DNAH1: variants seen among roughly 807,000 people sequenced by gnomAD.
DNAH1 encodes dynein axonemal heavy chain 1.
Under a neutral mutation model 484.3 loss-of-function variants are expected in DNAH1, and 327 were observed. The ratio of observed to expected loss-of-function variants is 0.68; its 90% confidence interval spans 0.62 to 0.74. The LOEUF is 0.74. Ranked by LOEUF, DNAH1 falls within the 30% of genes least tolerant of loss-of-function variation. The probability of loss-of-function intolerance (pLI) is 0.00; values close to 1 mark genes in which losing one functional copy is unlikely to be tolerated. For synonymous variants in DNAH1, 2,192 were observed against 2,191.9 expected, an observed-to-expected ratio of 1.00 and a Z score of 0.00; for missense variants, 5,052 against 5,546.8, an observed-to-expected ratio of 0.91 and a Z score of 2.83.
Position 52,393,340 on chromosome 3 carries a change from T to C in DNAH1, c.10481T>C (p.Leu3494Pro). 6.2e-7 allele frequency: 1 copy of C among 1,613,874 alleles called. No individual in the cohort carries two copies. The highest frequency in any genetic ancestry group is 8.5e-7 in the Non-Finnish European group (1 of 1,179,836). ...GIANSERADN[L>P]KKRISNINRY... ...TCACTTCTCCACTCCACAGACAACC[T>C]GAAGAAGCGCATCTCCAACATCAAC... The change falls in exon 66 of 78, where the codon CTG becomes CCG. Residue 3494 changes from leucine (L) to proline (P), a missense_variant. By Grantham distance (98) the Leu-to-Pro change is moderately conservative. Coordinates refer to ENST00000420323, the MANE Select transcript of DNAH1 (RefSeq NM_015512.5).
chr3:52,388,306 T>A lies in DNAH1; in HGVS notation c.9143T>A (p.Phe3048Tyr), dbSNP rs963120443. 12 of 1,602,782 alleles carry A rather than the reference T, an allele frequency of 7.5e-6. No individual in the cohort carries two copies. Among genetic ancestry groups the A allele is most frequent in the Non-Finnish European group, 1.0e-5 (12 of 1,174,802 alleles). The change falls in exon 57 of 78, where the codon TTT becomes TAT. Residue 3048 changes from phenylalanine to tyrosine, a missense_variant. By Grantham distance (22) the Phe-to-Tyr change is conservative (BLOSUM62 3). Coordinates refer to ENST00000420323, the MANE Select transcript of DNAH1 (RefSeq NM_015512.5). ...GTGCGCGCCATGCACAAGTACCACT[T>A]TGTGGCCAAGGCCGTGGAGCCCAAG... is the stretch of plus-strand genomic sequence containing the variant. ...QWVRAMHKYH[F>Y]VAKAVEPKRQ...
At chr3:52,367,101 C>T (rs76693737) in intron 36 of DNAH1, among the ~76,000 whole-genome samples, 32 of 152,346 alleles carry the variant, frequency 2.1e-4, no homozygotes, top group African/African-American at 7.7e-4. Context: ...ACAATAATGG[C>T]ACCATGCTTA....
At chr3:52,338,064 C>T (rs1458399217) in intron 8 of DNAH1, among the ~76,000 whole-genome samples, 5 of 152,120 alleles carry the variant, frequency 3.3e-5, no homozygotes, top group Admixed American at 6.6e-5. Flanking sequence ...AAAGTGCTGG[C>T]ATTATAGGAG....
chr3:52,378,720 C>A lies in DNAH1; in HGVS notation c.7317C>A (p.Asn2439Lys), dbSNP rs1703713041. 2 of 1,613,722 alleles carry A rather than the reference C, an allele frequency of 1.2e-6. No homozygotes were observed. The highest frequency in any genetic ancestry group is 2.2e-5 in the South Asian group (2 of 91,088). ...PTPAKSHYTFNLRDLSKVFQG... is the reference protein window; with the variant it reads ...PTPAKSHYTFKLRDLSKVFQG... ...CAGCCAAGTCCCACTACACCTTCAA[C>A]CTGAGGGACCTCTCCAAGGTCTTCC... Residue 2439 changes from asparagine to lysine, a missense_variant, in exon 47 of 78, where the codon AAC (asparagine) becomes AAA (lysine). Physicochemically the swap from Asn to Lys is moderately conservative, Grantham distance 94. Transcript: ENST00000420323.
chr3:52,313,718 G>A (rs1700865173), upstream of DNAH1, among the ~76,000 whole-genome samples: 1 of 152,162 alleles, frequency 6.6e-6, no homozygotes, highest in Non-Finnish European at 1.5e-5. Flanking sequence ...CTTCCTTACT[G>A]ACCTGCTGGG....
chr3:52,355,437 G>A lies in DNAH1; in HGVS notation c.3693+382G>A, dbSNP rs1702572255. 6.6e-6 allele frequency among the ~76,000 whole-genome samples: 1 copy of A among 152,264 alleles called. No homozygotes were observed. The highest frequency in any genetic ancestry group is 2.4e-5 in the African/African-American group (1 of 41,474). The stretch of plus-strand genomic sequence containing the variant: ...TGTCCCAAGGTCCCAGAGCACCTCA[G>A]TGCCCTTTCCCACTCTGTCCTGAGC... On this transcript the variant is annotated intron_variant, in intron 21 of 77. Coordinates refer to ENST00000420323, the MANE Select transcript of DNAH1 (RefSeq NM_015512.5). The surrounding 1 kb of genome is among the most constrained non-coding windows in gnomAD (Gnocchi z 4.5).
rs769776597 is a variant in DNAH1, at chr3:52,353,459, C to T, written c.3306C>T (p.Arg1102=). The change falls in exon 20 of 78, where the codon CGC becomes CGT. Residue 1102 remains arginine, a synonymous_variant. Transcript: ENST00000420323. The surrounding 1 kb of genome is among the most constrained non-coding windows in gnomAD (Gnocchi z 5.0). ...ACATCCCACTGATCCAGGGGCTGCG[C>T]AACCCTGGCATGCGGATCCGGCACT... ...KPYIPLIQGL[R]NPGMRIRHWE... The T allele has an allele frequency of 1.2e-6, 2 of 1,613,932 alleles. No homozygotes were observed. The highest frequency in any genetic ancestry group is 4.5e-5 in the East Asian group (2 of 44,890).
Position 52,382,466 on chromosome 3 carries a change from C to T in DNAH1, c.7941+11C>T. On this transcript the variant is annotated intron_variant, in intron 50 of 77. Coordinates refer to ENST00000420323, the MANE Select transcript of DNAH1 (RefSeq NM_015512.5). ...TTCTCAGACACCCAGGTGCCACTGC[C>T]ACAGCAGAGGGCAGGGCTCGGGGGG... is the stretch of plus-strand genomic sequence containing the variant. 6.2e-7 allele frequency: 1 copy of T among 1,613,450 alleles called. No individual in the cohort carries two copies.
chr3:52,390,207 G>A lies in DNAH1; in HGVS notation c.9621+621G>A, dbSNP rs1313490969. On this transcript the variant is annotated intron_variant, in intron 60 of 77. Coordinates refer to ENST00000420323, the MANE Select transcript of DNAH1 (RefSeq NM_015512.5). The stretch of plus-strand genomic sequence containing the variant: ...GAAGGGTTGTCTGGTCAGATGCAGT[G>A]TAATCCCAGCACTTTGGGAGGCCAA... Among the ~76,000 whole-genome samples the A allele has an allele frequency of 2.6e-5, 4 of 152,244 alleles. No individual in the cohort carries two copies. In the East Asian group the frequency reaches 5.8e-4, roughly 22 times the overall value.
intron 60 of DNAH1, 55 bp from the exon 61 acceptor site, chr3:52,390,880 A>T: frequency 6.5e-7 from 1 of 1,548,680 alleles, no homozygotes. Flanking sequence ...TGATGCCCTC[A>T]GTGACCCTGC....
At position 52,360,327 on chromosome 3, in the gene DNAH1, A is replaced by G. The variant is rs74498533; in HGVS notation, c.4588A>G (p.Asn1530Asp). Residue 1530 changes from asparagine (N) to aspartate (D), a missense_variant, in exon 28 of 78, where the codon AAT (asparagine) becomes GAT (aspartate). Transcript: ENST00000420323. The stretch of plus-strand genomic sequence containing the variant: ...CACCGCCAGGTACTACTGGACAAAT[A>G]ATGACCTGTATATCCGTGCTGTGAA... ...ISQLRYYWTN[N>D]DLYIRAVNAE... 1.5e-3 allele frequency: 2,493 copies of G among 1,613,788 alleles called. 47 individuals carry two copies. The African/African-American group carries it at 0.03, about 19-fold the overall frequency.
rs886837693 is a variant in DNAH1 at position 52,327,786 on chromosome 3, G to T, written c.739-96G>T. On this transcript the variant is annotated intron_variant, in intron 5 of 77. Coordinates refer to ENST00000420323, the MANE Select transcript of DNAH1 (RefSeq NM_015512.5). ...CTTGCAGCTCTCTCACCTGGGGAGG[G>T]TATTACTTAGGCACCCCATCCTTTG... is the stretch of plus-strand genomic sequence containing the variant. The T allele has an allele frequency of 1.4e-5, 21 of 1,451,112 alleles. No homozygotes were observed. In the South Asian group the frequency reaches 2.4e-4, roughly 16 times the overall value. 89.9% of individuals were successfully genotyped at this position (1,451,112 alleles called of 1,614,324 possible).
rs1703184172 is a variant in DNAH1, at chr3:52,368,666, G to A, written c.5766-75G>A. 8.6e-6 allele frequency: 13 copies of A among 1,519,638 alleles called. No homozygotes were observed. Among genetic ancestry groups the A allele is most frequent in the East Asian group, 2.3e-5 (1 of 43,650 alleles). 94.1% of individuals were successfully genotyped at this position (1,519,638 alleles called of 1,614,324 possible). A position where few individuals can be genotyped will look rare whatever the true frequency, so the allele number is the denominator to read the frequency against. Reference sequence around the variant, plus strand: ...TAGAGCCCGCCCACCCGGCGGCCAGGCTTCCCTGGGAGCCAGCTGTGCTCG... The same window carrying A: ...TAGAGCCCGCCCACCCGGCGGCCAGACTTCCCTGGGAGCCAGCTGTGCTCG... On this transcript the variant is annotated intron_variant, in intron 36 of 77. Coordinates refer to ENST00000420323, the MANE Select transcript of DNAH1 (RefSeq NM_015512.5). This position sits in a 1 kb window ranked among gnomAD's most constrained non-coding sequence, Gnocchi z 4.4.
At chr3:52,350,179 A>G in intron 15 of DNAH1, 71 bp downstream of exon 15, 1 of 1,566,894 alleles carries the variant, frequency 6.4e-7, no homozygotes, top group Non-Finnish European at 8.6e-7. Flanking sequence ...GGGCTGGGGC[A>G]GGCAGGGGCT....
chr3:52,364,882 T>C lies in DNAH1; in HGVS notation c.5381T>C (p.Leu1794Pro). ...AIRDVNVPKF[L>P]QEDLKLFSGI... is the part of the protein sequence containing the mutation. ...CGTGATGTGAACGTGCCCAAGTTCCTGCAGGAGGACCTCAAGCTCTTCTCT... is the reference window on the plus strand; with the variant it reads ...CGTGATGTGAACGTGCCCAAGTTCCCGCAGGAGGACCTCAAGCTCTTCTCT... Residue 1794 changes from leucine to proline, a missense_variant, in exon 34 of 78, where the codon CTG becomes CCG. Leu to Pro is a moderately conservative substitution (Grantham distance 98). Around this residue, in one of 4 missense-constraint regions of DNAH1, gnomAD observed 2,929 missense variants for 3,409.4 expected, o/e 0.86. Coordinates refer to ENST00000420323, the MANE Select transcript of DNAH1 (RefSeq NM_015512.5). The surrounding 1 kb of genome is among the most constrained non-coding windows in gnomAD (Gnocchi z 4.2). 1 of 1,613,974 alleles carries C rather than the reference T, an allele frequency of 6.2e-7. No homozygotes were observed. The highest frequency in any genetic ancestry group is 8.5e-7 in the Non-Finnish European group (1 of 1,179,852).
intron 8 of DNAH1, among the ~76,000 whole-genome samples, chr3:52,341,887 G>T (rs1701954000): frequency 6.6e-6 from 1 of 152,182 alleles, no homozygotes; most frequent in Non-Finnish European, 1.5e-5. Context: ...CAGACACTGG[G>T]TACAGAGGAG....
chr3:52,359,819 G>C lies in DNAH1; in HGVS notation c.4408-97G>C, dbSNP rs537702364. The C allele has an allele frequency of 2.2e-4, 328 of 1,506,238 alleles. 1 individual carries two copies. In the South Asian group the frequency reaches 3.6e-3, roughly 16 times the overall value. The allele number at this position is 1,506,238 out of a possible 1,614,324, so 93.3% of individuals were successfully genotyped here. ...CAGACCATCAGAGACCCCCAGGATA[G>C]AGGGACTGTTTGTGGCAGAAGCCCA... On this transcript the variant is annotated intron_variant, in intron 26 of 77. Coordinates refer to ENST00000420323, the MANE Select transcript of DNAH1 (RefSeq NM_015512.5).
Position 52,383,378 on chromosome 3 carries a change from C to T in DNAH1, c.7942-8C>T, listed in dbSNP as rs961633693. 6.2e-7 allele frequency: 1 copy of T among 1,613,224 alleles called. No homozygotes were observed. Among genetic ancestry groups the T allele is most frequent in the South Asian group, 1.1e-5 (1 of 90,828 alleles). The stretch of plus-strand genomic sequence containing the variant: ...GGCTTAGCTCCCCACTCCTTCACCC[C>T]TCCCCAGATCAAGAACGAATCCTTC... On this transcript the variant is annotated splice_polypyrimidine_tract_variant and splice_region_variant and intron_variant, in intron 50 of 77. Coordinates refer to ENST00000420323, the MANE Select transcript of DNAH1 (RefSeq NM_015512.5).
In DNAH1 at chr3:52,390,965, G is replaced by A. The variant is rs1177209998; in HGVS notation, c.9652G>A (p.Val3218Met). ...TGGCCTCCCCAACGACACACTGTCA[G>A]TGGAGAACGGGGTCATCAACCAGTT... is the stretch of plus-strand genomic sequence containing the variant. ...IAGLPNDTLS[V>M]ENGVINQFSQ... Residue 3218 changes from valine (V) to methionine (M), a missense_variant, in exon 61 of 78, where the codon GTG becomes ATG. Transcript: ENST00000420323. 2 of 1,552,438 alleles carry A rather than the reference G, an allele frequency of 1.3e-6. No homozygotes were observed. The highest frequency in any genetic ancestry group is 1.7e-6 in the Non-Finnish European group (2 of 1,147,328).
Sources: gnomAD v4.1 joint callset for allele counts (sites outside exome capture counted in the v4.1 genomes callset) on GRCh38, gnomAD v4.1.1 for gene constraint, gnomAD v4.1.1 regional missense constraint, Gnocchi (gnomAD v3.1) non-coding constraint, MANE v1.5 for transcripts, NCBI Gene and HGNC (gene_info 2026-07-23, HGNC 2026-07-21) for gene names.